SHMT2: variants seen among roughly 807,000 people sequenced by gnomAD.
The protein encoded by SHMT2 is serine hydroxymethyltransferase, mitochondrial.
Under a neutral mutation model 59.6 loss-of-function variants are expected in SHMT2, and 38 were observed. The observed-to-expected ratio is 0.64, with a 90% CI of 0.49 to 0.84. SHMT2 has a LOEUF of 0.84. Among genes scored for constraint, SHMT2 ranks in the 40% least tolerant of loss-of-function variants. SHMT2 has a pLI of 0.00. For missense variants in SHMT2, 533 were observed against 659.5 expected (o/e 0.81, Z 2.10); for synonymous variants, 254 against 258.1 (o/e 0.98, Z 0.15).
intron 1 of SHMT2, chr12:57,230,281 CT>C: frequency 8.5e-7 from 1 of 1,172,634 alleles, no homozygotes; most frequent in South Asian, 1.6e-5. Flanking sequence ...TATTGGCTTA[CT>C]CTCGGGCAGA....
chr12:57,233,755 C>G lies in SHMT2; in HGVS notation c.1130C>G (p.Thr377Ser). ...CATTTCTTACCCACCTTAGGTGGTA[C>G]TGACAACCACCTGGTGCTGGTGGAC... ...ERGYSLVSGGTDNHLVLVDLR... is the reference protein window; with the variant it reads ...ERGYSLVSGGSDNHLVLVDLR... Residue 377 changes from threonine (T) to serine (S), a missense_variant, in exon 10 of 12, where the codon ACT (threonine) becomes AGT (serine). Physicochemically the swap from Thr to Ser is moderately conservative, Grantham distance 58. Coordinates refer to ENST00000328923, the MANE Select transcript of SHMT2 (RefSeq NM_005412.6). 6.2e-7 allele frequency: 1 copy of G among 1,614,194 alleles called. No homozygotes were observed. The highest frequency in any genetic ancestry group is 8.5e-7 in the Non-Finnish European group (1 of 1,179,990).
chr12:57,230,483 A>C (rs1032818773), intron 1 of SHMT2: 99 of 1,233,802 alleles, frequency 8.0e-5, no homozygotes, highest in Admixed American at 3.8e-5. Flanking sequence ...AGGTTCTGGA[A>C]TCTCAGTTGC....
Position 57,234,038 on chromosome 12 carries a change from G to C in SHMT2, c.1315G>C (p.Asp439His), listed in dbSNP as rs1565773650. The C allele has an allele frequency of 6.2e-7, 1 of 1,614,206 alleles. No individual in the cohort carries two copies. The highest frequency in any genetic ancestry group is 8.5e-7 in the Non-Finnish European group (1 of 1,180,044). The change falls in exon 11 of 12, where the codon GAT (aspartate) becomes CAT (histidine). Residue 439 changes from aspartate (D) to histidine (H), a missense_variant. Physicochemically the swap from Asp to His is moderately conservative, Grantham distance 81 (BLOSUM62 -1). Transcript: ENST00000328923. ...PALTSRQFRE[D>H]DFRRVVDFID... ...CTTAACTTCTCGACAGTTCCGTGAG[G>C]ATGACTTCCGGAGAGTTGTGGACTT...
chr12:57,233,969 C>G (rs1394008501), intron 10 of SHMT2, 34 bp from the exon 11 acceptor site: 1 of 1,613,988 alleles, frequency 6.2e-7, no homozygotes, highest in East Asian at 2.2e-5. Flanking sequence ...TGACCTTGGG[C>G]TATGCTCATC....
At chr12:57,230,462 T>G in intron 1 of SHMT2, 1 of 1,201,004 alleles carries the variant, frequency 8.3e-7, no homozygotes. Flanking sequence ...CTCTTGTTCC[T>G]GTGGGTGGGA....
intron 1 of SHMT2, chr12:57,230,254 T>G: frequency 8.3e-7 from 1 of 1,204,502 alleles, no homozygotes; most frequent in Non-Finnish European, 1.1e-6. Context: ...GGTAGGGGGC[T>G]AAGTAAGGGG....
Position 57,234,046 on chromosome 12 carries a change from C to T in SHMT2, c.1323C>T (p.Phe441=). ...CTCGACAGTTCCGTGAGGATGACTT[C>T]CGGAGAGTTGTGGACTTTATAGATG... ...LTSRQFREDD[F]RRVVDFIDEG... is the part of the protein sequence containing the mutation. The change falls in exon 11 of 12, where the codon TTC becomes TTT. Residue 441 remains phenylalanine, a synonymous_variant. Transcript: ENST00000328923. The T allele has an allele frequency of 1.9e-6, 3 of 1,614,170 alleles. No homozygotes were observed. The highest frequency in any genetic ancestry group is 2.5e-6 in the Non-Finnish European group (3 of 1,180,026).
intron 1 of SHMT2, 54 bp from the exon 2 acceptor site, chr12:57,230,749 G>A: frequency 6.3e-7 from 1 of 1,592,930 alleles, no homozygotes; most frequent in Non-Finnish European, 8.6e-7. Flanking sequence ...AGGGTGGCCG[G>A]GAGACGATTT....
chr12:57,234,518 C>A lies in SHMT2; in HGVS notation c.*157C>A. 1.4e-6 allele frequency: 1 copy of A among 713,522 alleles called. No homozygotes were observed. Among genetic ancestry groups the A allele is most frequent in the Non-Finnish European group, 2.1e-6 (1 of 479,024 alleles). 44.2% of individuals were successfully genotyped at this position (713,522 alleles called of 1,614,324 possible). Reference sequence around the variant, plus strand: ...TAGTCTCCCTTCCCAGAATTTGTAACTGAGAAGATCTTTTCTTTTTCCTTT... The same window carrying A: ...TAGTCTCCCTTCCCAGAATTTGTAAATGAGAAGATCTTTTCTTTTTCCTTT... On this transcript the variant is annotated 3_prime_UTR_variant, in exon 12 of 12. Transcript: ENST00000328923.
In SHMT2 at chr12:57,231,763, G is replaced by A. The variant is rs747439440; in HGVS notation, c.362G>A (p.Arg121His). The A allele has an allele frequency of 3.7e-6, 6 of 1,614,082 alleles. No individual in the cohort carries two copies. Among genetic ancestry groups the A allele is most frequent in the South Asian group, 2.2e-5 (2 of 91,096 alleles). Residue 121 changes from arginine (R) to histidine (H), a missense_variant, in exon 4 of 12, where the codon CGC (arginine) becomes CAC (histidine). Physicochemically the swap from Arg to His is conservative, Grantham distance 29. Transcript: ENST00000328923. ...GATGAAATTGAGCTGCTGTGCCAGC[G>A]CCGGGCCTTGGAAGCCTTTGACCTG... ...VVDEIELLCQRRALEAFDLDP... is the reference protein window; with the variant it reads ...VVDEIELLCQHRALEAFDLDP...
At chr12:57,231,068 C>T in intron 2 of SHMT2, 68 bp downstream of exon 2, 1 of 1,470,204 alleles carries the variant, frequency 6.8e-7, no homozygotes, top group Admixed American at 1.7e-5. Flanking sequence ...GTTATCTTAA[C>T]TGATATTTCT....
chr12:57,230,651 G>C (rs1441294518), intron 1 of SHMT2, 152 bp from the exon 2 acceptor site: 4 of 1,459,462 alleles, frequency 2.7e-6, no homozygotes, highest in Non-Finnish European at 3.6e-6. Context: ...TCCAGAACTG[G>C]CTTTTGAAGG....
intron 6 of SHMT2, 32 bp from the exon 7 acceptor site, chr12:57,232,672 C>T: frequency 6.2e-7 from 1 of 1,606,848 alleles, no homozygotes; most frequent in Non-Finnish European, 8.5e-7. Context: ...GGGCCCTCCC[C>T]AGGCTGAGGC....
chr12:57,231,029 G>A (rs1470152907), intron 2 of SHMT2, 29 bp downstream of exon 2: 1 of 1,601,074 alleles, frequency 6.2e-7, no homozygotes. Flanking sequence ...GGCAGGGGTT[G>A]GGCCACCATG....
Position 57,234,095 on chromosome 12 carries a change from G to C in SHMT2, c.1372G>C (p.Val458Leu). The C allele has an allele frequency of 6.2e-7, 1 of 1,614,164 alleles. No homozygotes were observed. The highest frequency in any genetic ancestry group is 8.5e-7 in the Non-Finnish European group (1 of 1,180,024). ...IDEGVNIGLE[V>L]KSKTAKLQDF... ...TGAAGGGGTCAACATTGGCTTAGAG[G>C]TGAAGAGCAAGACTGGTGAGTGAGC... Residue 458 changes from valine (V) to leucine (L), a missense_variant, in exon 11 of 12, where the codon GTG (valine) becomes CTG (leucine). Transcript: ENST00000328923.
At chr12:57,232,672 C>A (rs951807571) in intron 6 of SHMT2, 32 bp from the exon 7 acceptor site, 1 of 1,606,730 alleles carries the variant, frequency 6.2e-7, no homozygotes, top group African/African-American at 1.3e-5. Context: ...GGGCCCTCCC[C>A]AGGCTGAGGC....
Position 57,231,180 on chromosome 12 carries a change from C to A in SHMT2, c.231+180C>A, listed in dbSNP as rs951373669. 4 of 672,810 alleles carry A rather than the reference C, an allele frequency of 5.9e-6. No homozygotes were observed. In the Admixed American group the frequency reaches 1.1e-4, roughly 19 times the overall value. 41.7% of individuals were successfully genotyped at this position (672,810 alleles called of 1,614,324 possible). Reference sequence around the variant, plus strand: ...GCAAGTCCAGTTTATGGGGTTGGGACATTTAGGGAGCCTCCAGGGTCCCTA... The same window carrying A: ...GCAAGTCCAGTTTATGGGGTTGGGAAATTTAGGGAGCCTCCAGGGTCCCTA... On this transcript the variant is annotated intron_variant, in intron 2 of 11. Coordinates refer to ENST00000328923, the MANE Select transcript of SHMT2 (RefSeq NM_005412.6).
rs540821542 is a variant in SHMT2, at chr12:57,234,620, G to A, written c.*259G>A. On this transcript the variant is annotated 3_prime_UTR_variant, in exon 12 of 12. Coordinates refer to ENST00000328923, the MANE Select transcript of SHMT2 (RefSeq NM_005412.6). The stretch of plus-strand genomic sequence containing the variant: ...CTGTCATGATCACAGTGTCAGAGAC[G>A]CGTCCTCTTTCTTGGGGAAGTTGAG... The A allele has an allele frequency of 2.6e-5, 8 of 310,378 alleles. No individual in the cohort carries two copies. Among genetic ancestry groups the A allele is most frequent in the South Asian group, 1.1e-4 (1 of 8,894 alleles). The allele number at this position is 310,378 out of a possible 1,614,324, so 19.2% of individuals were successfully genotyped here. A position where few individuals can be genotyped will look rare whatever the true frequency, so the allele number is the denominator to read the frequency against.
chr12:57,233,169 C>T lies in SHMT2; in HGVS notation c.858-11C>T. 4.6e-6 allele frequency: 7 copies of T among 1,528,460 alleles called. No homozygotes were observed. Among genetic ancestry groups the T allele is most frequent in the Non-Finnish European group, 6.2e-6 (7 of 1,136,450 alleles). The allele number at this position is 1,528,460 out of a possible 1,614,324, so 94.7% of individuals were successfully genotyped here. A position where few individuals can be genotyped will look rare whatever the true frequency, so the allele number is the denominator to read the frequency against. On this transcript the variant is annotated splice_polypyrimidine_tract_variant and intron_variant, in intron 7 of 11. Transcript: ENST00000328923. ...TTCAGCTTAGACTCTGACCATCCAC[C>T]TCTCACACAGGTCAGGGCTCATCTT... is the stretch of plus-strand genomic sequence containing the variant.
Sources: gnomAD v4.1 joint callset for allele counts on GRCh38, gnomAD v4.1.1 for gene constraint, MANE v1.5 for transcripts, NCBI Gene and HGNC (gene_info 2026-07-23, HGNC 2026-07-21) for gene names.